The following SPINT1 variants were observed in gnomAD, a reference collection of about 807,000 sequenced individuals.
SPINT1 encodes the protein serine peptidase inhibitor, Kunitz type 1, also known as kunitz-type protease inhibitor 1.
In SPINT1, 38 loss-of-function variants were observed where a neutral mutation model predicts 53.7. The ratio of observed to expected loss-of-function variants is 0.71; its 90% CI spans 0.55 to 0.93. The LOEUF (loss-of-function observed/expected upper bound fraction) is 0.93. SPINT1 is among the 40% of genes least tolerant of loss of function. SPINT1 has a pLI of 0.00. For missense variants in SPINT1, 645 were observed against 692.9 expected (o/e 0.93, Z 0.78); for synonymous variants, 283 against 280.6 (o/e 1.01, Z -0.08).
chr15:40,849,505 G>A (rs917250881), intron 2 of SPINT1, among the ~76,000 whole-genome samples: 2 of 152,178 alleles, frequency 1.3e-5, no homozygotes, highest in Non-Finnish European at 2.9e-5. Flanking sequence ...GCTTCCCAAA[G>A]TGTTGGGATT....
At position 40,856,283 on chromosome 15, in the gene SPINT1, T is replaced by A. The variant is rs1273870095; in HGVS notation, c.1296T>A (p.Asp432Glu). The A allele has an allele frequency of 2.5e-6, 4 of 1,614,142 alleles. No homozygotes were observed. The highest frequency in any genetic ancestry group is 3.4e-6 in the Non-Finnish European group (4 of 1,180,018). ...LESCRGISKK[D>E]VFGLRREIPI... ...CCCCTCATCATTCTGCAGAGAAGGA[T>A]GTGTTTGGCCTGAGGCGGGAAATCC... Residue 432 changes from aspartate (D) to glutamate (E), a missense_variant, in exon 10 of 11, where the codon GAT (aspartate) becomes GAA (glutamate). Transcript: ENST00000562057.
Position 40,857,242 on chromosome 15 carries a change from T to G in SPINT1, c.*267T>G. 1 of 530,752 alleles carries G rather than the reference T, an allele frequency of 1.9e-6. No individual in the cohort carries two copies. The highest frequency in any genetic ancestry group is 2.5e-5 in the South Asian group (1 of 39,720). The allele number at this position is 530,752 out of a possible 1,614,324, so 32.9% of individuals were successfully genotyped here. On this transcript the variant is annotated 3_prime_UTR_variant, in exon 11 of 11. Coordinates refer to ENST00000562057, the MANE Select transcript of SPINT1 (RefSeq NM_003710.4). Reference sequence around the variant, plus strand: ...CATAGGAGTTTGGAGGAAGTTGGAGTTTTGTTTCCTCTGTTCAAAGCTGCC... The same window carrying G: ...CATAGGAGTTTGGAGGAAGTTGGAGGTTTGTTTCCTCTGTTCAAAGCTGCC...
At chr15:40,845,759 T>C (rs530493598) in intron 2 of SPINT1, among the ~76,000 whole-genome samples, 1 of 152,268 alleles carries the variant, frequency 6.6e-6, no homozygotes, top group Admixed American at 6.5e-5. Context: ...GTGAGCTGTC[T>C]GGATGGTCTG....
At position 40,854,148 on chromosome 15, in the gene SPINT1, A is replaced by G. The variant is rs146780117; in HGVS notation, c.940+62A>G. The G allele has an allele frequency of 1.4e-3, 2,127 of 1,495,116 alleles. 31 individuals carry two copies. In the African/African-American group the frequency reaches 0.027, roughly 19 times the overall value. 92.6% of individuals were successfully genotyped at this position (1,495,116 alleles called of 1,614,324 possible). A position where few individuals can be genotyped will look rare whatever the true frequency, so the allele number is the denominator to read the frequency against. ...CACATCTCTAGCCCATATCATCCCT[A>G]TGCCCCTAAGCAGCCTGCCTTTGAC... On this transcript the variant is annotated intron_variant, in intron 6 of 10. Transcript: ENST00000562057.
Position 40,856,071 on chromosome 15 carries a change from G to A in SPINT1, c.1288+9G>A, listed in dbSNP as rs1371224791. On this transcript the variant is annotated intron_variant, in intron 9 of 10. Coordinates refer to ENST00000562057, the MANE Select transcript of SPINT1 (RefSeq NM_003710.4). ...TTGTCGCGGCATCTCCAGTGAGTGGGCCAGTGAGAGGGTGGGCATGTATGG... is the reference window on the plus strand; with the variant it reads ...TTGTCGCGGCATCTCCAGTGAGTGGACCAGTGAGAGGGTGGGCATGTATGG... 1.2e-5 allele frequency: 20 copies of A among 1,613,496 alleles called. No homozygotes were observed. Among genetic ancestry groups the A allele is most frequent in the Non-Finnish European group, 1.7e-5 (20 of 1,179,784 alleles).
At chr15:40,845,156 T>A in intron 2 of SPINT1, 127 bp downstream of exon 2, 1 of 740,324 alleles carries the variant, frequency 1.4e-6, no homozygotes, top group Non-Finnish European at 2.0e-6. Context: ...TTTTTCTTTC[T>A]TTTTTTTTGC....
At chr15:40,856,485 G>A (rs1891645240) in intron 10 of SPINT1, among the ~76,000 whole-genome samples, 162 bp downstream of exon 10, 2 of 152,156 alleles carry the variant, frequency 1.3e-5, no homozygotes, top group Admixed American at 1.3e-4. Context: ...ACACACGAGG[G>A]AGGGAGTACA....
Position 40,856,060 on chromosome 15 carries a change from C to T in SPINT1, c.1286C>T (p.Ser429Phe). 2 of 1,613,874 alleles carry T rather than the reference C, an allele frequency of 1.2e-6. No homozygotes were observed. Among genetic ancestry groups the T allele is most frequent in the Admixed American group, 1.7e-5 (1 of 60,016 alleles). ...QQCLESCRGI[S>F]KKDVFGLRRE... Reference sequence around the variant, plus strand: ...TGCCTCGAGTCTTGTCGCGGCATCTCCAGTGAGTGGGCCAGTGAGAGGGTG... The same window carrying T: ...TGCCTCGAGTCTTGTCGCGGCATCTTCAGTGAGTGGGCCAGTGAGAGGGTG... Residue 429 changes from serine to phenylalanine, a missense_variant and splice_region_variant, in exon 9 of 11, where the codon TCC becomes TTC. Physicochemically the swap from Ser to Phe is radical, Grantham distance 155. Transcript: ENST00000562057.
chr15:40,854,092 CT>C lies in SPINT1; in HGVS notation c.940+9del. ...CATGGAAAGGCGCCATCCAGGTGGGCTTTACTCCCCTCCCCATCCCCCATCC... is the reference window on the plus strand; with the variant it reads ...CATGGAAAGGCGCCATCCAGGTGGGCTTACTCCCCTCCCCATCCCCCATCC... On this transcript the variant is annotated splice_region_variant and intron_variant, in intron 6 of 10. Transcript: ENST00000562057. The C allele has an allele frequency of 1.3e-6, 2 of 1,536,546 alleles. No homozygotes were observed. Among genetic ancestry groups the C allele is most frequent in the Non-Finnish European group, 1.7e-6 (2 of 1,144,370 alleles).
rs74819355 is a variant in SPINT1, at chr15:40,853,616, A to C, written c.731A>C (p.Lys244Thr). The change falls in exon 4 of 11, where the codon AAG (lysine) becomes ACG (threonine). Residue 244 changes from lysine (K) to threonine (T), a missense_variant. Physicochemically the swap from Lys to Thr is moderately conservative, Grantham distance 78. Coordinates refer to ENST00000562057, the MANE Select transcript of SPINT1 (RefSeq NM_003710.4). ...ANVTVTVLST[K>T]QTEDYCLASN... ...GTCACAGTCACTGTGCTGTCCACCA[A>C]GCAGACAGAAGGTGAGGGAGGGGTG... 5.1e-5 allele frequency: 82 copies of C among 1,613,932 alleles called. No individual in the cohort carries two copies. The African/African-American group carries it at 8.3e-4, about 16-fold the overall frequency.
At chr15:40,850,164 C>T (rs988908708) in intron 2 of SPINT1, among the ~76,000 whole-genome samples, 1 of 152,238 alleles carries the variant, frequency 6.6e-6, no homozygotes, top group Admixed American at 6.5e-5. Flanking sequence ...ACTCCGCCTC[C>T]TGAGTTCAAG....
At chr15:40,851,178 G>A (rs374709054) in intron 2 of SPINT1, among the ~76,000 whole-genome samples, 12 of 149,306 alleles carry the variant, frequency 8.0e-5, no homozygotes, top group African/African-American at 2.5e-4. Flanking sequence ...TTTTTTAAAC[G>A]GAGTCTTGCT....
At chr15:40,848,684 A>T (rs1164403342) in intron 2 of SPINT1, among the ~76,000 whole-genome samples, 1 of 152,162 alleles carries the variant, frequency 6.6e-6, no homozygotes, top group East Asian at 1.9e-4. Flanking sequence ...TACAATGAAT[A>T]TGATACAACA....
rs2142018610 is a variant in SPINT1 at position 40,856,918 on chromosome 15, C to T, written c.1485C>T (p.Val495=). ...HPPPTPASST[V]STTEDTEHLV... is the part of the protein sequence containing the mutation. ...CACCCACCCCTGCCAGCTCCACTGT[C>T]TCCACTACCGAGGACACGGAGCACC... Residue 495 remains valine, a synonymous_variant, in exon 11 of 11, where the codon GTC becomes GTT. Transcript: ENST00000562057. 2 of 1,614,222 alleles carry T rather than the reference C, an allele frequency of 1.2e-6. No homozygotes were observed. The highest frequency in any genetic ancestry group is 1.7e-5 in the Admixed American group (1 of 60,036).
Position 40,856,811 on chromosome 15 carries a change from A to C in SPINT1, c.1378A>C (p.Ile460Leu), listed in dbSNP as rs754310070. ...MAVAVFLVIC[I>L]VVVVAILGYC... ...TGTCGCAGTGTTCCTGGTCATCTGC[A>C]TTGTGGTGGTGGTAGCCATCTTGGG... Residue 460 changes from isoleucine to leucine, a missense_variant, in exon 11 of 11, where the codon ATT (isoleucine) becomes CTT (leucine). Ile to Leu is a conservative substitution (Grantham distance 5). Transcript: ENST00000562057. 3 of 1,614,036 alleles carry C rather than the reference A, an allele frequency of 1.9e-6. No individual in the cohort carries two copies. The highest frequency in any genetic ancestry group is 2.5e-6 in the Non-Finnish European group (3 of 1,180,036).
chr15:40,856,617 T>C (rs1295482959), intron 10 of SPINT1, among the ~76,000 whole-genome samples, 153 bp from the exon 11 acceptor site: 2 of 152,120 alleles, frequency 1.3e-5, no homozygotes, highest in Non-Finnish European at 2.9e-5. Flanking sequence ...TGGACAGAGC[T>C]GTTCAGCTGT....
chr15:40,854,410 C>T lies in SPINT1; in HGVS notation c.954C>T (p.Thr318=), dbSNP rs1891566209. Residue 318 remains threonine, a synonymous_variant, in exon 7 of 11, where the codon ACC becomes ACT. Coordinates refer to ENST00000562057, the MANE Select transcript of SPINT1 (RefSeq NM_003710.4). ...CCACCCGTCCAGTGTGCTCTGGCAC[C>T]TGTCAGCCCACCCAGTTCCGCTGCA... ...MERRHPVCSG[T]CQPTQFRCSN... 6.2e-7 allele frequency: 1 copy of T among 1,600,542 alleles called. No homozygotes were observed. The highest frequency in any genetic ancestry group is 1.3e-5 in the African/African-American group (1 of 74,400).
rs1197915510 is a variant in SPINT1, at chr15:40,844,797, G to T, written c.243G>T (p.Val81=). The T allele has an allele frequency of 6.2e-7, 1 of 1,613,284 alleles. No homozygotes were observed. Residue 81 remains valine (V), a synonymous_variant, in exon 2 of 11, where the codon GTG becomes GTT. Transcript: ENST00000562057. The surrounding 1 kb of genome is among the most constrained non-coding windows in gnomAD (Gnocchi z 5.8). The part of the protein sequence containing the change: ...NGATFLESPT[V]RRGWDCVRAC... Reference sequence around the variant, plus strand: ...CTACCTTCCTGGAGTCCCCCACCGTGCGCCGGGGCTGGGACTGCGTGCGCG... The same window carrying T: ...CTACCTTCCTGGAGTCCCCCACCGTTCGCCGGGGCTGGGACTGCGTGCGCG...
In SPINT1 at chr15:40,845,317, A is replaced by AT. The variant is rs1566852110; in HGVS notation, c.475+288_475+289insT. Reference sequence around the variant, plus strand: ...CAGGCACCCGCTACCAGACCCGGCTAATTTTTTTTTTTTTTTTTTTTTTTT... The same window carrying AT: ...CAGGCACCCGCTACCAGACCCGGCTATATTTTTTTTTTTTTTTTTTTTTTTT... On this transcript the variant is annotated intron_variant, in intron 2 of 10. Transcript: ENST00000562057. Among the ~76,000 whole-genome samples the AT allele has an allele frequency of 1.5e-3, 116 of 79,664 alleles. 1 individual carries two copies. The highest frequency in any genetic ancestry group is 5.9e-3 in the African/African-American group (115 of 19,350). The allele number at this position is 79,664 out of a possible 152,430, so 52.3% of individuals were successfully genotyped here. A position where few individuals can be genotyped will look rare whatever the true frequency, so the allele number is the denominator to read the frequency against.
Sources: allele counts gnomAD v4.1 joint callset (sites outside exome capture counted in the v4.1 genomes callset), GRCh38; gene constraint gnomAD v4.1.1; non-coding constraint Gnocchi (gnomAD v3.1); transcripts MANE v1.5; gene names NCBI Gene and HGNC (gene_info 2026-07-23, HGNC 2026-07-21).